Variants in RPS6KC1 observed in about 807,000 individuals in gnomAD.
RPS6KC1 encodes the protein inactive ribosomal protein S6 kinase delta-1.
Under a neutral mutation model 103.8 loss-of-function variants are expected in RPS6KC1, and 54 were observed. The ratio of observed to expected loss-of-function variants is 0.52; its 90% CI spans 0.42 to 0.65. The LOEUF is 0.65. Among genes scored for constraint, RPS6KC1 ranks in the 30% least tolerant of loss-of-function variants. RPS6KC1 has a pLI of 0.00. For missense variants in RPS6KC1, 1,151 were observed against 1,253.8 expected (o/e 0.92, Z 1.24); for synonymous variants, 439 against 438.7 (o/e 1.00, Z -0.01).
At chr1:213,566,044 G>C in the RPS6KC1 span, among the ~76,000 whole-genome samples, 1 of 151,412 alleles carries the variant, frequency 6.6e-6, no homozygotes, top group African/African-American at 2.4e-5. Context: ...CCAAATAAAA[G>C]AGCAACAACA....
chr1:213,393,272 G>A, the RPS6KC1 span, among the ~76,000 whole-genome samples: 1 of 152,180 alleles, frequency 6.6e-6, no homozygotes. Context: ...ATACTTCACA[G>A]TCACCCACTT....
intron 12 of RPS6KC1, among the ~76,000 whole-genome samples, chr1:213,257,275 T>G (rs1455806356): frequency 1.3e-5 from 2 of 152,150 alleles, no homozygotes; most frequent in Admixed American, 1.3e-4. Context: ...TTGGACCTTT[T>G]GCTGAATTTA....
the RPS6KC1 span, among the ~76,000 whole-genome samples, chr1:213,718,564 A>C: frequency 6.6e-6 from 1 of 152,214 alleles, no homozygotes; most frequent in Non-Finnish European, 1.5e-5. Context: ...TGGCTGACAG[A>C]ATGAAAGAGA....
At chr1:213,142,945 C>T (rs1485833496) in intron 6 of RPS6KC1, among the ~76,000 whole-genome samples, 2 of 152,006 alleles carry the variant, frequency 1.3e-5, no homozygotes, top group East Asian at 3.9e-4. Context: ...TGGTCTGGAT[C>T]AGAACCTACA....
intron 14 of RPS6KC1, among the ~76,000 whole-genome samples, chr1:213,270,862 G>A (rs1456219411): frequency 6.6e-6 from 1 of 152,120 alleles, no homozygotes; most frequent in African/African-American, 2.4e-5. Context: ...GTTGTTAGGG[G>A]ATGTAAATTA....
chr1:213,795,629 A>G, the RPS6KC1 span, among the ~76,000 whole-genome samples: 129 of 152,224 alleles, frequency 8.5e-4, no homozygotes, highest in African/African-American at 3.1e-3. Context: ...AGTTGTTTCC[A>G]TGGTTTTATT....
chr1:213,717,455 C>A, the RPS6KC1 span, among the ~76,000 whole-genome samples: 1 of 152,186 alleles, frequency 6.6e-6, no homozygotes, highest in Non-Finnish European at 1.5e-5. Context: ...CCTCAAAGAG[C>A]ATACTGAGCT....
the RPS6KC1 span, among the ~76,000 whole-genome samples, chr1:213,817,004 G>T: frequency 6.6e-6 from 1 of 152,166 alleles, no homozygotes; most frequent in African/African-American, 2.4e-5. Flanking sequence ...TCCCTTATAG[G>T]GGAGTAAATA....
At chr1:213,734,003 C>T in the RPS6KC1 span, among the ~76,000 whole-genome samples, 1 of 152,116 alleles carries the variant, frequency 6.6e-6, no homozygotes, top group East Asian at 1.9e-4. Flanking sequence ...TTGAAGAAAC[C>T]CATCTTCCTA....
At chr1:213,664,288 A>G in the RPS6KC1 span, among the ~76,000 whole-genome samples, 1 of 151,766 alleles carries the variant, frequency 6.6e-6, no homozygotes, top group Non-Finnish European at 1.5e-5. Context: ...CGGCCTCAGG[A>G]GCATGTTCCA....
chr1:213,159,973 A>C (rs760523582), intron 6 of RPS6KC1, among the ~76,000 whole-genome samples: 14 of 152,226 alleles, frequency 9.2e-5, no homozygotes, highest in Non-Finnish European at 1.9e-4. Flanking sequence ...TAGTTCTGAC[A>C]GGTTATTAGG....
chr1:213,395,790 G>T, the RPS6KC1 span, among the ~76,000 whole-genome samples: 1 of 152,210 alleles, frequency 6.6e-6, no homozygotes, highest in Non-Finnish European at 1.5e-5. Context: ...CAGGGAGCTC[G>T]CAGACCAGGT....
chr1:213,422,297 A>G, the RPS6KC1 span, among the ~76,000 whole-genome samples: 1 of 152,236 alleles, frequency 6.6e-6, no homozygotes, highest in East Asian at 1.9e-4. Flanking sequence ...ATGTCTTCAA[A>G]TGGTTCATCC....
chr1:213,259,300 C>T (rs1169808370), intron 12 of RPS6KC1, among the ~76,000 whole-genome samples: 2 of 152,232 alleles, frequency 1.3e-5, no homozygotes, highest in African/African-American at 2.4e-5. Context: ...TGGCTCATGC[C>T]TGTAATCCCA....
At chr1:213,853,685 G>C in the RPS6KC1 span, among the ~76,000 whole-genome samples, 1 of 152,164 alleles carries the variant, frequency 6.6e-6, no homozygotes, top group Non-Finnish European at 1.5e-5. Context: ...TTGAATTCAA[G>C]GGAACCATAA....
chr1:213,696,502 C>CAAAA, the RPS6KC1 span, among the ~76,000 whole-genome samples: 5 of 120,932 alleles, frequency 4.1e-5, no homozygotes, highest in African/African-American at 1.8e-4. Context: ...AACTCCGTCT[C>CAAAA]AAAAAAAAAA....
At chr1:213,686,950 C>A in the RPS6KC1 span, among the ~76,000 whole-genome samples, 1 of 126,574 alleles carries the variant, frequency 7.9e-6, no homozygotes, top group African/African-American at 3.1e-5. Context: ...GGGGTAACTT[C>A]CAGATGTTGC....
At chr1:213,172,938 T>G (rs2091587388) in intron 7 of RPS6KC1, among the ~76,000 whole-genome samples, 1 of 152,214 alleles carries the variant, frequency 6.6e-6, no homozygotes, top group Admixed American at 6.5e-5. Context: ...TACCTAGAAA[T>G]ACATTGCTTC....
the RPS6KC1 span, chr1:213,818,810 AG>A: frequency 6.6e-6 from 1 of 152,232 alleles, no homozygotes; most frequent in Non-Finnish European, 1.5e-5. Context: ...GTAGATAGAA[AG>A]CATGCCTCCC....
Sources: allele counts gnomAD v4.1 joint callset (sites outside exome capture counted in the v4.1 genomes callset), GRCh38; gene constraint gnomAD v4.1.1; transcripts MANE v1.5; gene names NCBI Gene and HGNC (gene_info 2026-07-23, HGNC 2026-07-21).